Variants in FAM124A observed in about 807,000 individuals in gnomAD.
The protein encoded by FAM124A is family with sequence similarity 124 member A.
In FAM124A, 23 loss-of-function variants were observed where a neutral mutation model predicts 24.5. The observed-to-expected ratio is 0.94, with a 90% CI of 0.68 to 1.33. The LOEUF (loss-of-function observed/expected upper bound fraction) is 1.33, where lower values mean the gene tolerates loss of function less well. FAM124A is among the 40% of genes most tolerant of loss of function. The pLI is 0.00. For missense variants in FAM124A, 623 were observed against 722.8 expected, an observed-to-expected ratio of 0.86 and a Z score of 1.58; for synonymous variants, 287 against 314.7, an observed-to-expected ratio of 0.91 and a Z score of 0.93.
intron 1 of FAM124A, among the ~76,000 whole-genome samples, chr13:51,226,160 A>T (rs1300198043): frequency 6.6e-6 from 1 of 150,678 alleles, no homozygotes; most frequent in Non-Finnish European, 1.5e-5. Flanking sequence ...CACCATGCCC[A>T]GCTAATTTTT....
intron 2 of FAM124A, among the ~76,000 whole-genome samples, chr13:51,236,631 A>G (rs1954438055): frequency 6.6e-6 from 1 of 152,270 alleles, no homozygotes; most frequent in East Asian, 1.9e-4. Context: ...GTGAATACAT[A>G]TGATCTGTGT....
At chr13:51,267,404 G>A (rs1031674966) in intron 3 of FAM124A, among the ~76,000 whole-genome samples, 2 of 151,984 alleles carry the variant, frequency 1.3e-5, no homozygotes, top group Non-Finnish European at 2.9e-5. Context: ...AATACTTGTA[G>A]GAAATTGCAA....
At chr13:51,238,915 C>T (rs953767850) in intron 2 of FAM124A, among the ~76,000 whole-genome samples, 14 of 152,284 alleles carry the variant, frequency 9.2e-5, no homozygotes, top group Middle Eastern at 3.4e-3. Context: ...TGCTTTGCTA[C>T]GCTGGCATCC....
At chr13:51,225,660 C>A (rs947724587) in intron 1 of FAM124A, among the ~76,000 whole-genome samples, 1 of 152,046 alleles carries the variant, frequency 6.6e-6, no homozygotes, top group African/African-American at 2.4e-5. Context: ...AGATGAGGAA[C>A]GCTAAATGTC....
At chr13:51,278,497 T>C (rs1954905957) in intron 3 of FAM124A, among the ~76,000 whole-genome samples, 1 of 152,196 alleles carries the variant, frequency 6.6e-6, no homozygotes, top group Admixed American at 6.5e-5. Flanking sequence ...TCCGCCCATA[T>C]GCAAGCCCTG....
intron 3 of FAM124A, among the ~76,000 whole-genome samples, chr13:51,254,644 T>C (rs1376144426): frequency 6.6e-6 from 1 of 152,172 alleles, no homozygotes; most frequent in African/African-American, 2.4e-5. Context: ...CATTTCACTG[T>C]CAGCAAACAT....
At chr13:51,243,898 A>ACGCAC (rs1954529033) in intron 2 of FAM124A, among the ~76,000 whole-genome samples, 1 of 152,118 alleles carries the variant, frequency 6.6e-6, no homozygotes, top group Admixed American at 6.5e-5. Flanking sequence ...TGTGTGTGTG[A>ACGCAC]CGCACCGTCT....
intron 2 of FAM124A, among the ~76,000 whole-genome samples, chr13:51,236,546 A>G (rs1183247987): frequency 2.0e-5 from 3 of 152,260 alleles, no homozygotes; most frequent in African/African-American, 4.8e-5. Context: ...TGATAAGCCA[A>G]TGTAGGAGCT....
In FAM124A at chr13:51,253,358, G is replaced by A. The variant is rs187590079; in HGVS notation, c.834+1157G>A. On this transcript the variant is annotated intron_variant, in intron 3 of 3. Coordinates refer to ENST00000322475, the MANE Select transcript of FAM124A (RefSeq NM_001242312.2). The stretch of plus-strand genomic sequence containing the variant: ...GCCAGGCCTCATTTCTCGTCAGAAA[G>A]GTCACCTTGAGATACTTACTATTTA... 245 of 152,258 alleles carry A rather than the reference G, an allele frequency of 1.6e-3. 2 individuals are homozygous for A. The highest frequency in any genetic ancestry group is 5.8e-3 in the African/African-American group (242 of 41,544). The allele number at this position is 152,258 out of a possible 1,614,324, so 9.4% of individuals were successfully genotyped here.
intron 3 of FAM124A, among the ~76,000 whole-genome samples, chr13:51,253,862 T>TG (rs1443539291): frequency 6.6e-6 from 1 of 152,210 alleles, no homozygotes; most frequent in South Asian, 2.1e-4. Flanking sequence ...ATTTGTATCT[T>TG]GGGACTCAGG....
intron 3 of FAM124A, among the ~76,000 whole-genome samples, chr13:51,278,068 A>G (rs1399078439): frequency 1.3e-5 from 2 of 152,202 alleles, no homozygotes; most frequent in Non-Finnish European, 2.9e-5. Context: ...AGTTCCTTAA[A>G]TAGAAAGAAG....
At chr13:51,232,742 A>G (rs1954391716) in intron 2 of FAM124A, among the ~76,000 whole-genome samples, 1 of 152,162 alleles carries the variant, frequency 6.6e-6, no homozygotes, top group Non-Finnish European at 1.5e-5. Context: ...TCTCTGTGCC[A>G]CCATTTCCAT....
At chr13:51,235,155 T>A (rs923723182) in intron 2 of FAM124A, among the ~76,000 whole-genome samples, 6 of 152,198 alleles carry the variant, frequency 3.9e-5, no homozygotes, top group Non-Finnish European at 4.4e-5. Flanking sequence ...GGATTTTTAT[T>A]TTTATTTTTT....
At chr13:51,247,905 C>T (rs1301756795) in intron 2 of FAM124A, among the ~76,000 whole-genome samples, 1 of 152,128 alleles carries the variant, frequency 6.6e-6, no homozygotes, top group Non-Finnish European at 1.5e-5. Context: ...AATGTTCAAC[C>T]AAACCGAAAG....
At chr13:51,269,251 A>G (rs1954817543) in intron 3 of FAM124A, among the ~76,000 whole-genome samples, 1 of 152,262 alleles carries the variant, frequency 6.6e-6, no homozygotes, top group African/African-American at 2.4e-5. Context: ...AATTTAGAAT[A>G]GAAATAATAC....
chr13:51,280,510 A>G lies in FAM124A; in HGVS notation c.895A>G (p.Lys299Glu), dbSNP rs752183637. The part of the protein sequence containing the change: ...PGRVHHASEK[K>E]RHSTPLPSTA... ...CAGAGTACATCATGCCTCCGAGAAG[A>G]AACGTCATTCCACTCCTTTGCCGAG... Residue 299 changes from lysine to glutamate, a missense_variant, in exon 4 of 4, where the codon AAA (lysine) becomes GAA (glutamate). Coordinates refer to ENST00000322475, the MANE Select transcript of FAM124A (RefSeq NM_001242312.2). 3 of 1,613,902 alleles carry G rather than the reference A, an allele frequency of 1.9e-6. No homozygotes were observed. Among genetic ancestry groups the G allele is most frequent in the Non-Finnish European group, 2.5e-6 (3 of 1,179,942 alleles).
chr13:51,231,518 G>C, intron 2 of FAM124A, 139 bp downstream of exon 2: 1 of 871,596 alleles, frequency 1.1e-6, no homozygotes, highest in Non-Finnish European at 1.7e-6. Context: ...GGTACAGGAT[G>C]CTGTAACTCT....
chr13:51,252,230 T>C (rs1322144251), intron 3 of FAM124A, 29 bp downstream of exon 3: 1 of 1,600,482 alleles, frequency 6.2e-7, no homozygotes, highest in Non-Finnish European at 8.5e-7. Flanking sequence ...TCTGTCTGTT[T>C]AGGGGACCTG....
Position 51,252,012 on chromosome 13 carries a change from T to C in FAM124A, c.645T>C (p.Asp215=), listed in dbSNP as rs1350691602. ...TCTTCCCTATTTTTTCCAACCTGGATGTGGACATCCAGTTCTCCCTGAAAA... is the reference window on the plus strand; with the variant it reads ...TCTTCCCTATTTTTTCCAACCTGGACGTGGACATCCAGTTCTCCCTGAAAA... The part of the protein sequence containing the change: ...FCIFPIFSNL[D]VDIQFSLKRL... Residue 215 remains aspartate, a synonymous_variant, in exon 3 of 4, where the codon GAT becomes GAC. Transcript: ENST00000322475. 1.2e-6 allele frequency: 2 copies of C among 1,614,212 alleles called. No homozygotes were observed. The highest frequency in any genetic ancestry group is 2.2e-5 in the South Asian group (2 of 91,090).
Sources: gnomAD v4.1 joint callset for allele counts (sites outside exome capture counted in the v4.1 genomes callset) on GRCh38, gnomAD v4.1.1 for gene constraint, MANE v1.5 for transcripts, NCBI Gene and HGNC (gene_info 2026-07-23, HGNC 2026-07-21) for gene names.